TUBGCP5: variants seen among roughly 807,000 people sequenced by gnomAD.
TUBGCP5 encodes tubulin gamma complex component 5, also known as gamma-tubulin complex component 5.
TUBGCP5 carries 98 observed loss-of-function variants against 134.7 expected under a neutral mutation model. The ratio of observed to expected loss-of-function variants is 0.73; its 90% CI spans 0.62 to 0.86. The LOEUF (loss-of-function observed/expected upper bound fraction) is 0.86, where lower values mean the gene tolerates loss of function less well. Among genes scored for constraint, TUBGCP5 ranks in the 40% least tolerant of loss-of-function variants. The pLI, the probability that TUBGCP5 is intolerant of heterozygous loss-of-function variation, is 0.00. For synonymous variants in TUBGCP5, 456 were observed against 431.4 expected (o/e 1.06, Z -0.71); for missense variants, 1,150 against 1,244.8 (o/e 0.92, Z 1.15).
At chr15:22,988,558 C>T (rs977398949) in intron 23 of TUBGCP5, among the ~76,000 whole-genome samples, 2 of 151,168 alleles carry the variant, frequency 1.3e-5, no homozygotes, top group East Asian at 2.0e-4. Context: ...ACAGTGAAAC[C>T]CCGTCTCTAC....
At chr15:22,986,766 C>T (rs542366420) in intron 23 of TUBGCP5, among the ~76,000 whole-genome samples, 2 of 151,336 alleles carry the variant, frequency 1.3e-5, no homozygotes, top group Admixed American at 1.3e-4. Context: ...AAAAGGAAGT[C>T]AGAAATCGTT....
chr15:23,014,417 G>A (rs1188908792), intron 13 of TUBGCP5, among the ~76,000 whole-genome samples: 3 of 152,220 alleles, frequency 2.0e-5, no homozygotes, highest in Admixed American at 1.3e-4. Flanking sequence ...CCTGCATACT[G>A]GGCCTGCCAA....
In TUBGCP5 at chr15:23,037,249, A is replaced by G. The variant is rs1030088973; in HGVS notation, c.147-97T>C. ...CATATCCCCCATATGCTCTGTACTC[A>G]GCTACACATTTCCAGAATGGAGTGT... is the stretch of plus-strand genomic sequence containing the variant. On this transcript the variant is annotated intron_variant, in intron 1 of 22. Transcript: ENST00000615383. 83 of 1,135,498 alleles carry G rather than the reference A, an allele frequency of 7.3e-5. 2 individuals are homozygous for G. The highest frequency in any genetic ancestry group is 4.9e-4 in the South Asian group (35 of 70,980). The allele number at this position is 1,135,498 out of a possible 1,614,324, so 70.3% of individuals were successfully genotyped here. A position where few individuals can be genotyped will look rare whatever the true frequency, so the allele number is the denominator to read the frequency against.
rs756322332 is a variant in TUBGCP5 at position 23,039,540 on chromosome 15, C to T, written c.4G>A (p.Ala2Thr). The part of the protein sequence containing the change: M[A>T]RHGPPWSRLD... ...CGACTCCACGGTGGCCCGTGCCGCGCCATGTTCCGCGCTCCTGCAGCGCGC... is the reference window on the plus strand; with the variant it reads ...CGACTCCACGGTGGCCCGTGCCGCGTCATGTTCCGCGCTCCTGCAGCGCGC... Residue 2 changes from alanine to threonine, a missense_variant, in exon 1 of 23, where the codon GCG becomes ACG. Transcript: ENST00000615383. 2.1e-6 allele frequency: 3 copies of T among 1,460,276 alleles called. No individual in the cohort carries two copies. The highest frequency in any genetic ancestry group is 2.7e-6 in the Non-Finnish European group (3 of 1,092,080). 90.5% of individuals were successfully genotyped at this position (1,460,276 alleles called of 1,614,324 possible). A position where few individuals can be genotyped will look rare whatever the true frequency, so the allele number is the denominator to read the frequency against.
In TUBGCP5 at chr15:22,999,680, C is replaced by T; in HGVS notation, c.*140G>A. 2.2e-6 allele frequency: 2 copies of T among 893,184 alleles called. No individual in the cohort carries two copies. Among genetic ancestry groups the T allele is most frequent in the Admixed American group, 4.2e-5 (2 of 47,552 alleles). The allele number at this position is 893,184 out of a possible 1,614,324, so 55.3% of individuals were successfully genotyped here. A position where few individuals can be genotyped will look rare whatever the true frequency, so the allele number is the denominator to read the frequency against. ...CCTCCCATCGTGCTGGGATTAGAGG[C>T]ATGAGCGACTGTGCCAGGCTGACTG... On this transcript the variant is annotated 3_prime_UTR_variant, in exon 23 of 23. Transcript: ENST00000615383.
rs1455722222 is a variant in TUBGCP5, at chr15:23,013,947, C to T, written c.1757-2616G>A. Among the ~76,000 whole-genome samples the T allele has an allele frequency of 1.3e-5, 2 of 152,160 alleles. No homozygotes were observed. The highest frequency in any genetic ancestry group is 4.8e-5 in the African/African-American group (2 of 41,424). ...CACAGGGATGGCTGAACACCACAAC[C>T]CCAGCTATGTGGAGCCTGGGCCCAG... On this transcript the variant is annotated intron_variant, in intron 13 of 22. Transcript: ENST00000615383. This position sits in a 1 kb window ranked among gnomAD's most constrained non-coding sequence, Gnocchi z 4.5.
intron 1 of TUBGCP5, among the ~76,000 whole-genome samples, 162 bp downstream of exon 1, chr15:23,039,236 C>T (rs1270052996): frequency 2.0e-5 from 3 of 151,816 alleles, no homozygotes; most frequent in South Asian, 2.1e-4. Context: ...GAGCGCTGGC[C>T]GGCGGGGAGC....
chr15:22,998,709 G>T (rs1272989194), downstream of TUBGCP5, among the ~76,000 whole-genome samples: 1 of 151,972 alleles, frequency 6.6e-6, no homozygotes, highest in Non-Finnish European at 1.5e-5. Context: ...CTGCCTCCTG[G>T]GTTCAAGTGA....
At chr15:23,017,667 G>A in intron 13 of TUBGCP5, 106 bp downstream of exon 13, 1 of 1,137,682 alleles carries the variant, frequency 8.8e-7, no homozygotes, top group Non-Finnish European at 1.2e-6. Flanking sequence ...AAATAAGAGG[G>A]TTTGATGACT....
At chr15:23,037,649 T>C (rs538816822) in intron 1 of TUBGCP5, among the ~76,000 whole-genome samples, 1 of 152,318 alleles carries the variant, frequency 6.6e-6, no homozygotes, top group Admixed American at 6.5e-5. Context: ...GATTTAGCAG[T>C]AGGTCCAATT....
At chr15:22,991,107 T>C (rs1398669031) in intron 23 of TUBGCP5, among the ~76,000 whole-genome samples, 2 of 152,030 alleles carry the variant, frequency 1.3e-5, no homozygotes, top group African/African-American at 4.8e-5. Flanking sequence ...AAATTACTTT[T>C]TTTTTTTTTG....
downstream of TUBGCP5, among the ~76,000 whole-genome samples, chr15:22,994,582 T>C (rs567667296): frequency 3.9e-5 from 6 of 152,328 alleles, no homozygotes; most frequent in African/African-American, 1.4e-4. Context: ...ATTGGGTAAA[T>C]TGAAGCTGTT....
intron 23 of TUBGCP5, among the ~76,000 whole-genome samples, chr15:22,993,557 T>TTTTTTTTTTTTTTA (rs2063932615): frequency 8.1e-6 from 1 of 123,262 alleles, no homozygotes; most frequent in African/African-American, 3.6e-5. Flanking sequence ...TTTTTTTTTT[T>TTTTTTTTTTTTTTA]AATATGAGAC....
In TUBGCP5 at chr15:23,006,170, G is replaced by A. The variant is rs967983384; in HGVS notation, c.2415C>T (p.Val805=). ...TTATAACAATGTCCACGGGCCATGGGACCTATGAAACAAAAACAAAATTAG... is the reference window on the plus strand; with the variant it reads ...TTATAACAATGTCCACGGGCCATGGAACCTATGAAACAAAAACAAAATTAG... The part of the protein sequence containing the change: ...ILDGLTLSYK[V]PWPVDIVISL... The change falls in exon 18 of 23, where the codon GTC becomes GTT. Residue 805 remains valine, a splice_region_variant and synonymous_variant. Transcript: ENST00000615383. 5.0e-6 allele frequency: 8 copies of A among 1,608,088 alleles called. No individual in the cohort carries two copies. The highest frequency in any genetic ancestry group is 5.1e-6 in the Non-Finnish European group (6 of 1,178,876).
chr15:23,038,399 T>C (rs567708294), intron 1 of TUBGCP5, among the ~76,000 whole-genome samples: 1 of 152,308 alleles, frequency 6.6e-6, no homozygotes, highest in East Asian at 1.9e-4. Context: ...TTAGAAATAT[T>C]AGTAGAAAAA....
downstream of TUBGCP5, among the ~76,000 whole-genome samples, chr15:22,996,154 T>G (rs912212969): frequency 3.3e-5 from 5 of 152,264 alleles, 1 homozygote; most frequent in African/African-American, 1.2e-4. Flanking sequence ...CAGGGGTAGA[T>G]ACATGTTAAC....
At chr15:23,011,091 G>A (rs765427254) in intron 14 of TUBGCP5, 42 bp downstream of exon 14, 1 of 1,591,848 alleles carries the variant, frequency 6.3e-7, no homozygotes, top group South Asian at 1.1e-5. Context: ...TTGCACAAAT[G>A]ATGCCATTTC....
chr15:22,986,815 G>C (rs955509700), intron 23 of TUBGCP5, among the ~76,000 whole-genome samples: 1 of 152,148 alleles, frequency 6.6e-6, no homozygotes, highest in Admixed American at 6.6e-5. Flanking sequence ...CAGGGAATAG[G>C]ATGGACTGAA....
chr15:23,004,267 T>C, intron 19 of TUBGCP5, 40 bp from the exon 20 acceptor site: 1 of 1,600,060 alleles, frequency 6.2e-7, no homozygotes, highest in African/African-American at 1.3e-5. Context: ...AGCAGCCTTC[T>C]TTGAGGACTT....
Sources: allele counts gnomAD v4.1 joint callset (sites outside exome capture counted in the v4.1 genomes callset), GRCh38; gene constraint gnomAD v4.1.1; non-coding constraint Gnocchi (gnomAD v3.1); transcripts MANE v1.5; gene names NCBI Gene and HGNC (gene_info 2026-07-23, HGNC 2026-07-21).